VPS13D: variants seen among roughly 807,000 people sequenced by gnomAD.
VPS13D encodes the protein vacuolar protein sorting 13 homolog D.
In VPS13D, 187 loss-of-function variants were observed where a neutral mutation model predicts 461.9. The ratio of observed to expected loss-of-function variants is 0.40; its 90% CI spans 0.36 to 0.46. The LOEUF (loss-of-function observed/expected upper bound fraction) is 0.46, where lower values mean the gene tolerates loss of function less well. Among genes scored for constraint, VPS13D ranks in the 20% least tolerant of loss-of-function variants. The pLI is 0.60. For missense variants in VPS13D, 4,711 were observed against 5,364.9 expected (o/e 0.88, Z 3.81); for synonymous variants, 1,951 against 1,986.3 (o/e 0.98, Z 0.47).
intron 60 of VPS13D, among the ~76,000 whole-genome samples, chr1:12,397,172 G>A (rs986042282): frequency 1.3e-5 from 2 of 152,196 alleles, no homozygotes; most frequent in Admixed American, 6.5e-5. Context: ...GACCTCAGGT[G>A]ATCTGCACAC....
At chr1:12,390,381 T>A (rs1031910723) in intron 60 of VPS13D, among the ~76,000 whole-genome samples, 1 of 152,176 alleles carries the variant, frequency 6.6e-6, no homozygotes, top group African/African-American at 2.4e-5. Context: ...ATTCTATCAA[T>A]CCAGCTGCTT....
chr1:12,338,129 A>G lies in VPS13D; in HGVS notation c.8552-102A>G, dbSNP rs950794979. 12 of 1,045,816 alleles carry G rather than the reference A, an allele frequency of 1.1e-5. No homozygotes were observed. The South Asian group carries it at 1.2e-4, about 10-fold the overall frequency. The allele number at this position is 1,045,816 out of a possible 1,614,324, so 64.8% of individuals were successfully genotyped here. The stretch of plus-strand genomic sequence containing the variant: ...ACTCTGTACTTGCATGATGCTTGCT[A>G]TTTTTGTAATGTTCTCTATTTGTGC... On this transcript the variant is annotated intron_variant, in intron 39 of 69. Coordinates refer to ENST00000620676, the MANE Select transcript of VPS13D (RefSeq NM_015378.4).
At position 12,326,527 on chromosome 1, in the gene VPS13D, G is replaced by A. The variant is rs149361956; in HGVS notation, c.7991-1121G>A. Among the ~76,000 whole-genome samples the A allele has an allele frequency of 7.5e-3, 1,143 of 151,800 alleles. 13 individuals carry two copies. Among genetic ancestry groups the A allele is most frequent in the African/African-American group, 0.026 (1,091 of 41,388 alleles). ...AATTTTTAAATTTTTTGTAGAGACAGGTCTTGCTATGTTGCCCAGGCTGGT... is the reference window on the plus strand; with the variant it reads ...AATTTTTAAATTTTTTGTAGAGACAAGTCTTGCTATGTTGCCCAGGCTGGT... On this transcript the variant is annotated intron_variant, in intron 35 of 69. Transcript: ENST00000620676.
At position 12,394,232 on chromosome 1, in the gene VPS13D, T is replaced by C. The variant is rs145907583; in HGVS notation, c.11635-5949T>C. Among the ~76,000 whole-genome samples the C allele has an allele frequency of 6.2e-3, 952 of 152,338 alleles. 12 individuals carry two copies. The highest frequency in any genetic ancestry group is 0.021 in the African/African-American group (859 of 41,570). On this transcript the variant is annotated intron_variant, in intron 60 of 69. Transcript: ENST00000620676. ...AATTGACTGAGGGGCCATGATTCTCTGTTTTTATAATTCAAACTAGTTTTT... is the reference window on the plus strand; with the variant it reads ...AATTGACTGAGGGGCCATGATTCTCCGTTTTTATAATTCAAACTAGTTTTT...
intron 67 of VPS13D, among the ~76,000 whole-genome samples, chr1:12,485,057 A>G (rs1467521792): frequency 6.6e-6 from 1 of 152,184 alleles, no homozygotes; most frequent in African/African-American, 2.4e-5. Context: ...ATGGCATAGC[A>G]ACTCTCACCT....
At chr1:12,446,252 AC>A (rs1368409420) in intron 65 of VPS13D, among the ~76,000 whole-genome samples, 4 of 152,028 alleles carry the variant, frequency 2.6e-5, no homozygotes, top group African/African-American at 7.2e-5. Context: ...CCCCATCTGT[AC>A]TAAAAATACA....
chr1:12,237,513 C>T (rs1416389189), intron 2 of VPS13D, among the ~76,000 whole-genome samples: 1 of 148,798 alleles, frequency 6.7e-6, no homozygotes, highest in Non-Finnish European at 1.5e-5. Context: ...TTCACTTGTT[C>T]AGTCATTCAA....
At chr1:12,362,662 G>A in intron 50 of VPS13D, 58 bp from the exon 51 acceptor site, 2 of 1,549,428 alleles carry the variant, frequency 1.3e-6, no homozygotes, top group Non-Finnish European at 1.8e-6. Context: ...ATTTTTGTCA[G>A]ACCAAGAGTT....
rs1477370961 is a variant in VPS13D, at chr1:12,369,791, A to G, written c.10808+89A>G. 4.2e-6 allele frequency: 5 copies of G among 1,180,342 alleles called. No homozygotes were observed. In the African/African-American group the frequency reaches 4.6e-5, roughly 11 times the overall value. The allele number at this position is 1,180,342 out of a possible 1,614,324, so 73.1% of individuals were successfully genotyped here. Reference sequence around the variant, plus strand: ...ATGTTAAGCAGTTTCTTAGGAGACCAAAGTACAAAGGAAGATTCTTTCATT... The same window carrying G: ...ATGTTAAGCAGTTTCTTAGGAGACCGAAGTACAAAGGAAGATTCTTTCATT... On this transcript the variant is annotated intron_variant, in intron 54 of 69. Transcript: ENST00000620676.
chr1:12,371,187 A>G (rs1259195673), intron 54 of VPS13D, among the ~76,000 whole-genome samples: 1 of 151,998 alleles, frequency 6.6e-6, no homozygotes, highest in African/African-American at 2.4e-5. Flanking sequence ...AAAGAAACCA[A>G]AACCTATTGA....
In VPS13D at chr1:12,277,491, G is replaced by A; in HGVS notation, c.3903G>A (p.Lys1301=). 6.2e-7 allele frequency: 1 copy of A among 1,614,168 alleles called. No individual in the cohort carries two copies. ...ATAACCACTCTGCTAAGTTTTTGAAGGAGTTGACGTTATCCATGGATGAAC... is the reference window on the plus strand; with the variant it reads ...ATAACCACTCTGCTAAGTTTTTGAAAGAGTTGACGTTATCCATGGATGAAC... ...LHYNHSAKFL[K]ELTLSMDELE... is the part of the protein sequence containing the mutation. The change falls in exon 19 of 70, where the codon AAG becomes AAA. Residue 1301 remains lysine, a synonymous_variant. Transcript: ENST00000620676.
intron 37 of VPS13D, among the ~76,000 whole-genome samples, chr1:12,331,302 TA>T (rs952947771): frequency 1.3e-5 from 2 of 152,164 alleles, no homozygotes; most frequent in Admixed American, 1.3e-4. Flanking sequence ...AGTAAGAAAT[TA>T]AACCTCGATT....
chr1:12,399,955 C>T (rs1416040567), intron 60 of VPS13D, among the ~76,000 whole-genome samples: 1 of 152,020 alleles, frequency 6.6e-6, no homozygotes, highest in Non-Finnish European at 1.5e-5. Context: ...GAAAACAAAA[C>T]CTATTCTCTT....
rs150933670 is a variant in VPS13D, at chr1:12,293,569, C to T, written c.5898C>T (p.Arg1966=). ...DPLLRREHDI[R]VSLRMASVQY... ...TGCTCCGGAGAGAACACGACATTCG[C>T]GTGAGCCTCCGGATGGCCTCTGTGC... is the stretch of plus-strand genomic sequence containing the variant. Residue 1966 remains arginine (R), a synonymous_variant, in exon 24 of 70, where the codon CGC becomes CGT. Coordinates refer to ENST00000620676, the MANE Select transcript of VPS13D (RefSeq NM_015378.4). 1.3e-4 allele frequency: 216 copies of T among 1,613,870 alleles called. No individual in the cohort carries two copies. The highest frequency in any genetic ancestry group is 1.8e-4 in the Non-Finnish European group (208 of 1,179,924).
intron 32 of VPS13D, 70 bp from the exon 33 acceptor site, chr1:12,321,739 C>G (rs17037982): frequency 1.9e-4 from 292 of 1,507,524 alleles, no homozygotes; most frequent in Admixed American, 1.8e-4. Flanking sequence ...GAGATAGCCT[C>G]TTTGTGCTGG....
chr1:12,276,790 C>G lies in VPS13D; in HGVS notation c.3202C>G (p.Leu1068Val). Reference protein sequence around the residue: ...LNDRSATSVSLDKILTKEQES... With the variant: ...LNDRSATSVSVDKILTKEQES... ...CGACCGATCAGCTACTAGTGTTTCACTTGACAAAATTCTTACCAAAGAGCA... is the reference window on the plus strand; with the variant it reads ...CGACCGATCAGCTACTAGTGTTTCAGTTGACAAAATTCTTACCAAAGAGCA... Residue 1068 changes from leucine to valine, a missense_variant, in exon 19 of 70, where the codon CTT becomes GTT. By Grantham distance (32) the Leu-to-Val change is conservative. This residue lies in a region of VPS13D where 4,411 missense variants were observed against 4,937.8 expected (regional missense o/e 0.89). Transcript: ENST00000620676. This position sits in a 1 kb window ranked among gnomAD's most constrained non-coding sequence, Gnocchi z 4.5. 6.2e-7 allele frequency: 1 copy of G among 1,614,194 alleles called. No homozygotes were observed. Among genetic ancestry groups the G allele is most frequent in the Non-Finnish European group, 8.5e-7 (1 of 1,180,034 alleles).
At chr1:12,360,094 A>G (rs1489225123) in intron 50 of VPS13D, among the ~76,000 whole-genome samples, 2 of 152,216 alleles carry the variant, frequency 1.3e-5, no homozygotes, top group Non-Finnish European at 2.9e-5. Context: ...GTGATTACCC[A>G]TATAAGCTGT....
chr1:12,352,965 C>CA (rs61588046), intron 46 of VPS13D, among the ~76,000 whole-genome samples: 1,578 of 17,534 alleles, frequency 0.09, 509 homozygotes, highest in Middle Eastern at 0.2. Context: ...AACTCAGTCT[C>CA]AAAAAAAAAA....
rs1414401778 is a variant in VPS13D at position 12,505,358 on chromosome 1, C to T, written c.12795-1495C>T. 6.6e-6 allele frequency among the ~76,000 whole-genome samples: 1 copy of T among 152,252 alleles called. No individual in the cohort carries two copies. Among genetic ancestry groups the T allele is most frequent in the Non-Finnish European group, 1.5e-5 (1 of 68,048 alleles). On this transcript the variant is annotated intron_variant, in intron 68 of 69. Coordinates refer to ENST00000620676, the MANE Select transcript of VPS13D (RefSeq NM_015378.4). This position sits in a 1 kb window ranked among gnomAD's most constrained non-coding sequence, Gnocchi z 4.2. ...GCGGTTAGAGCGCAAGATGTGAGAA[C>T]GTCTGTGCTGAGTGGCCTAAACACT...
Sources: gnomAD v4.1 joint callset for allele counts (sites outside exome capture counted in the v4.1 genomes callset) on GRCh38, gnomAD v4.1.1 for gene constraint, gnomAD v4.1.1 regional missense constraint, Gnocchi (gnomAD v3.1) non-coding constraint, MANE v1.5 for transcripts, NCBI Gene and HGNC (gene_info 2026-07-23, HGNC 2026-07-21) for gene names.